Variants in GPC6 observed in about 807,000 individuals in gnomAD.
GPC6 encodes the protein glypican 6, also known as glypican-6.
Under a neutral mutation model 55.2 loss-of-function variants are expected in GPC6, and 14 were observed. The ratio of observed to expected loss-of-function variants is 0.25; its 90% confidence interval spans 0.17 to 0.40. The LOEUF (loss-of-function observed/expected upper bound fraction) is 0.40. GPC6 is among the 10% of genes least tolerant of loss of function. The pLI is 1.00. For missense variants in GPC6, 641 were observed against 708.5 expected, an observed-to-expected ratio of 0.90 and a Z score of 1.08; for synonymous variants, 278 against 259.6, an observed-to-expected ratio of 1.07 and a Z score of -0.68.
chr13:94,149,009 A>G (rs969438285), intron 4 of GPC6, among the ~76,000 whole-genome samples: 5 of 152,292 alleles, frequency 3.3e-5, no homozygotes, highest in Non-Finnish European at 7.4e-5. Context: ...ACTTCTAACC[A>G]TTCAGTTTAT....
chr13:93,657,635 A>C (rs536500909), intron 2 of GPC6, among the ~76,000 whole-genome samples: 1 of 152,302 alleles, frequency 6.6e-6, no homozygotes, highest in African/African-American at 2.4e-5. Context: ...TCTGCACAGC[A>C]AAATAAGCTA....
intron 6 of GPC6, among the ~76,000 whole-genome samples, chr13:94,371,427 C>G (rs1879536391): frequency 6.6e-6 from 1 of 152,070 alleles, no homozygotes; most frequent in South Asian, 2.1e-4. Flanking sequence ...AGTAATGATT[C>G]CAGCATCTGC....
chr13:93,558,892 T>C (rs1875614758), intron 2 of GPC6, among the ~76,000 whole-genome samples: 1 of 152,210 alleles, frequency 6.6e-6, no homozygotes, highest in African/African-American at 2.4e-5. Context: ...TGTATAACAC[T>C]ATTTTTAAAT....
intron 3 of GPC6, among the ~76,000 whole-genome samples, chr13:93,999,883 G>A (rs895192924): frequency 6.6e-6 from 1 of 152,010 alleles, no homozygotes; most frequent in African/African-American, 2.4e-5. Context: ...ATACATTATT[G>A]GCATATATTG....
chr13:93,674,973 C>A (rs375292141), intron 2 of GPC6, among the ~76,000 whole-genome samples: 29 of 152,136 alleles, frequency 1.9e-4, no homozygotes, highest in African/African-American at 6.8e-4. Flanking sequence ...CCCACCTAAT[C>A]AAAACTCAAA....
rs144180522 is a variant in GPC6, at chr13:93,365,001, C to T, written c.160+137385C>T. 5.9e-5 allele frequency among the ~76,000 whole-genome samples: 9 copies of T among 152,096 alleles called. No homozygotes were observed. The East Asian group carries it at 1.6e-3, about 26-fold the overall frequency. ...TTTTCTAGTGTAATAGTCTTAGCTC[C>T]ATGTTCTTCTTTTTCTACATCTTCT... On this transcript the variant is annotated intron_variant, in intron 1 of 8. Coordinates refer to ENST00000377047, the MANE Select transcript of GPC6 (RefSeq NM_005708.5).
intron 3 of GPC6, among the ~76,000 whole-genome samples, chr13:93,839,231 A>T (rs1222916884): frequency 6.6e-6 from 1 of 152,168 alleles, no homozygotes; most frequent in African/African-American, 2.4e-5. Context: ...CACATTCTAG[A>T]ACAAGGTGTG....
At chr13:93,388,424 C>A (rs1046764011) in intron 1 of GPC6, among the ~76,000 whole-genome samples, 8 of 152,188 alleles carry the variant, frequency 5.3e-5, no homozygotes, top group Non-Finnish European at 1.0e-4. Context: ...AGACTCCTGG[C>A]AACTTGGAGC....
At chr13:93,291,748 A>G (rs1222073255) in intron 1 of GPC6, among the ~76,000 whole-genome samples, 1 of 152,122 alleles carries the variant, frequency 6.6e-6, no homozygotes, top group Non-Finnish European at 1.5e-5. Flanking sequence ...TCAAGTTAAA[A>G]CGAGTCTGAG....
intron 1 of GPC6, among the ~76,000 whole-genome samples, chr13:93,283,344 G>A (rs1878008978): frequency 6.6e-6 from 1 of 152,164 alleles, no homozygotes; most frequent in African/African-American, 2.4e-5. Flanking sequence ...AAAACAAAAT[G>A]TTAAGGTAAG....
At chr13:93,305,438 G>T (rs1878825068) in intron 1 of GPC6, among the ~76,000 whole-genome samples, 1 of 152,112 alleles carries the variant, frequency 6.6e-6, no homozygotes, top group Non-Finnish European at 1.5e-5. Flanking sequence ...ATTATTGTGA[G>T]GCAGGTGCTA....
At chr13:93,756,066 C>T (rs889712804) in intron 2 of GPC6, among the ~76,000 whole-genome samples, 7 of 152,082 alleles carry the variant, frequency 4.6e-5, no homozygotes, top group African/African-American at 1.7e-4. Flanking sequence ...TGTTGGCATT[C>T]TATCTCTATT....
intron 1 of GPC6, among the ~76,000 whole-genome samples, chr13:93,275,951 G>T (rs1399454515): frequency 1.1e-4 from 17 of 152,078 alleles, no homozygotes; most frequent in Non-Finnish European, 1.6e-4. Context: ...CTCGGCTCAT[G>T]GCAAGCTCTG....
At chr13:93,470,469 C>G (rs1189664004) in intron 1 of GPC6, among the ~76,000 whole-genome samples, 1 of 151,942 alleles carries the variant, frequency 6.6e-6, no homozygotes, top group Non-Finnish European at 1.5e-5. Flanking sequence ...TGGATAAATC[C>G]CCCTGAATTG....
At chr13:93,745,706 C>A (rs552159591) in intron 2 of GPC6, among the ~76,000 whole-genome samples, 1 of 152,236 alleles carries the variant, frequency 6.6e-6, no homozygotes, top group Non-Finnish European at 1.5e-5. Flanking sequence ...GGTAAGCAAC[C>A]AATATGCTAG....
rs117340169 is a variant in GPC6 at position 94,116,322 on chromosome 13, G to A, written c.877+88428G>A. ...TGATATTGGTGTTACGGTGGTGAAC[G>A]AGACAGATACAGCCTCCAAACTCAG... On this transcript the variant is annotated intron_variant, in intron 4 of 8. Coordinates refer to ENST00000377047, the MANE Select transcript of GPC6 (RefSeq NM_005708.5). 1.4e-4 allele frequency among the ~76,000 whole-genome samples: 21 copies of A among 152,052 alleles called. No homozygotes were observed. The East Asian group carries it at 3.3e-3, about 24-fold the overall frequency.
At chr13:93,922,142 G>C (rs1395239902) in intron 3 of GPC6, among the ~76,000 whole-genome samples, 1 of 152,128 alleles carries the variant, frequency 6.6e-6, no homozygotes, top group Non-Finnish European at 1.5e-5. Context: ...GTGTGGGAAA[G>C]AGATAGAGTA....
chr13:94,381,878 T>G (rs989281511), intron 6 of GPC6, among the ~76,000 whole-genome samples: 1 of 152,234 alleles, frequency 6.6e-6, no homozygotes, highest in Non-Finnish European at 1.5e-5. Flanking sequence ...TTAAGAGGGT[T>G]TGGTTTATTG....
chr13:94,083,365 A>T (rs190222457), intron 4 of GPC6, among the ~76,000 whole-genome samples: 1 of 152,030 alleles, frequency 6.6e-6, no homozygotes, highest in Non-Finnish European at 1.5e-5. Flanking sequence ...TGATGCGCCC[A>T]CCTTGGCCTC....
Sources: gnomAD v4.1 joint callset for allele counts (sites outside exome capture counted in the v4.1 genomes callset) on GRCh38, gnomAD v4.1.1 for gene constraint, MANE v1.5 for transcripts, NCBI Gene and HGNC (gene_info 2026-07-23, HGNC 2026-07-21) for gene names.